Variants in RGSL1 observed in about 807,000 individuals in gnomAD.
RGSL1 encodes regulator of G protein signaling protein-like.
A neutral mutation model predicts 124.7 loss-of-function variants in RGSL1; 97 were observed. The observed-to-expected ratio is 0.78, with a 90% CI of 0.66 to 0.92. RGSL1 has a LOEUF of 0.92. Ranked by LOEUF, RGSL1 falls within the 40% of genes least tolerant of loss-of-function variation. The probability of loss-of-function intolerance (pLI) is 0.00; values close to 1 mark genes in which losing one functional copy is unlikely to be tolerated. For missense variants in RGSL1, 1,233 were observed against 1,288.4 expected (o/e 0.96, Z 0.66); for synonymous variants, 424 against 438.1 (o/e 0.97, Z 0.40).
intron 2 of RGSL1, among the ~76,000 whole-genome samples, chr1:182,456,348 G>A (rs1652322695): frequency 6.6e-6 from 1 of 151,150 alleles, no homozygotes; most frequent in Non-Finnish European, 1.5e-5. Context: ...CTAGGCTGGA[G>A]TGCAGTGGCA....
chr1:182,484,591 C>G (rs1654955138), intron 6 of RGSL1, among the ~76,000 whole-genome samples: 1 of 152,144 alleles, frequency 6.6e-6, no homozygotes, highest in Admixed American at 6.5e-5. Flanking sequence ...TCAGCAGTGA[C>G]TAGGAGAGAA....
Position 182,530,310 on chromosome 1 carries a change from G to A in RGSL1, c.2192G>A (p.Ser731Asn). The A allele has an allele frequency of 6.4e-7, 1 of 1,551,070 alleles. No individual in the cohort carries two copies. The highest frequency in any genetic ancestry group is 1.2e-5 in the South Asian group (1 of 84,042). Residue 731 changes from serine to asparagine, a missense_variant, in exon 12 of 22, where the codon AGC becomes AAC. Physicochemically the swap from Ser to Asn is conservative, Grantham distance 46. Coordinates refer to ENST00000294854, the MANE Select transcript of RGSL1 (RefSeq NM_001137669.2). ...EIASMRHVTTSTLLTLQGHVM... is the reference protein window; with the variant it reads ...EIASMRHVTTNTLLTLQGHVM... ...GCTTCCATGCGTCATGTCACCACAA[G>A]CACACTGTTAACGCTCCAGGGACAT...
intron 6 of RGSL1, among the ~76,000 whole-genome samples, chr1:182,482,799 C>T (rs953533462): frequency 2.0e-5 from 3 of 152,170 alleles, no homozygotes; most frequent in African/African-American, 7.2e-5. Context: ...AAATCTGGAT[C>T]TTGAAGAGAT....
At chr1:182,535,810 T>C (rs1478330481) in intron 14 of RGSL1, among the ~76,000 whole-genome samples, 1 of 152,166 alleles carries the variant, frequency 6.6e-6, no homozygotes, top group Non-Finnish European at 1.5e-5. Context: ...GCTACAATTT[T>C]ATACAGTAAA....
At chr1:182,524,188 G>A (rs1365631339) in intron 10 of RGSL1, among the ~76,000 whole-genome samples, 1 of 152,198 alleles carries the variant, frequency 6.6e-6, no homozygotes, top group East Asian at 1.9e-4. Context: ...AATTCGCATT[G>A]ATTAAATGGC....
At chr1:182,458,860 A>T (rs1571468337) in intron 3 of RGSL1, among the ~76,000 whole-genome samples, 1 of 152,210 alleles carries the variant, frequency 6.6e-6, no homozygotes, top group Admixed American at 6.5e-5. Context: ...AAAGCAGGTG[A>T]GTAGAACAGA....
rs144263573 is a variant in RGSL1, at chr1:182,487,485, T to C, written c.1432-800T>C. On this transcript the variant is annotated intron_variant, in intron 6 of 21. Coordinates refer to ENST00000294854, the MANE Select transcript of RGSL1 (RefSeq NM_001137669.2). ...TATCCCGATGCCTTTGCTTAAGCTC[T>C]TTCTACTGCATGGCATGATCTTTAC... 7.2e-3 allele frequency among the ~76,000 whole-genome samples: 1,092 copies of C among 152,346 alleles called. 13 individuals are homozygous for C. Among genetic ancestry groups the C allele is most frequent in the African/African-American group, 0.025 (1,048 of 41,574 alleles).
chr1:182,532,223 A>C (rs1343903977), intron 13 of RGSL1, among the ~76,000 whole-genome samples: 3 of 151,954 alleles, frequency 2.0e-5, no homozygotes, highest in Non-Finnish European at 4.4e-5. Context: ...AGTGGGTGCA[A>C]ATAATTATAT....
intron 15 of RGSL1, 102 bp from the exon 16 acceptor site, chr1:182,548,215 G>A: frequency 1.6e-6 from 2 of 1,241,024 alleles, no homozygotes; most frequent in Non-Finnish European, 2.3e-6. Flanking sequence ...CCTAGAACTG[G>A]CCTTGCGTTT....
At chr1:182,500,374 A>G (rs1656258167) in intron 9 of RGSL1, among the ~76,000 whole-genome samples, 1 of 152,116 alleles carries the variant, frequency 6.6e-6, no homozygotes. Flanking sequence ...TTGATCTCTA[A>G]GTTTATTTTT....
chr1:182,475,867 C>T lies in RGSL1; in HGVS notation c.1431+1325C>T, dbSNP rs116967543. 3.5e-4 allele frequency among the ~76,000 whole-genome samples: 53 copies of T among 152,284 alleles called. No individual in the cohort carries two copies. In the East Asian group the frequency reaches 9.1e-3, roughly 26 times the overall value. ...CATCAAATTATTTAGTGCATTATAA[C>T]GTATTTACCTTGTAAAGCACATTCA... is the stretch of plus-strand genomic sequence containing the variant. On this transcript the variant is annotated intron_variant, in intron 6 of 21. Transcript: ENST00000294854.
At chr1:182,551,689 A>G (rs1165279464) in intron 18 of RGSL1, among the ~76,000 whole-genome samples, 1 of 152,230 alleles carries the variant, frequency 6.6e-6, no homozygotes, top group African/African-American at 2.4e-5. Flanking sequence ...AAAAGCATAC[A>G]CATATTTACT....
rs1434440005 is a variant in RGSL1, at chr1:182,554,693, G to A, written c.3197G>A (p.Gly1066Glu). 1 of 1,551,514 alleles carries A rather than the reference G, an allele frequency of 6.4e-7. No individual in the cohort carries two copies. Among genetic ancestry groups the A allele is most frequent in the African/African-American group, 1.4e-5 (1 of 73,050 alleles). The part of the protein sequence containing the change: ...VSAMQLHPVQ[G>E]QKLSYIKKEK ...GCCATGCAGCTGCATCCCGTCCAGG[G>A]GTAGGCATGAGCTGGAAATCCTCTT... Residue 1066 changes from glycine to glutamate, a missense_variant and splice_region_variant, in exon 20 of 22, where the codon GGA (glycine) becomes GAA (glutamate). By Grantham distance (98) the Gly-to-Glu change is moderately conservative. Transcript: ENST00000294854.
chr1:182,552,722 G>A (rs1438906673), intron 18 of RGSL1, among the ~76,000 whole-genome samples: 2 of 152,216 alleles, frequency 1.3e-5, no homozygotes, highest in Non-Finnish European at 2.9e-5. Flanking sequence ...GGAAGTCCAA[G>A]AGCATGACAC....
intron 14 of RGSL1, among the ~76,000 whole-genome samples, chr1:182,533,213 T>G (rs1360094515): frequency 7.0e-6 from 1 of 142,616 alleles, no homozygotes; most frequent in African/African-American, 2.8e-5. Flanking sequence ...TAAACCTACC[T>G]CCTAATTATT....
At chr1:182,460,815 A>C (rs1652766817) in intron 4 of RGSL1, 1 of 437,824 alleles carries the variant, frequency 2.3e-6, no homozygotes. Context: ...GGGAAACTTT[A>C]GACAGTAAAT....
intron 6 of RGSL1, among the ~76,000 whole-genome samples, chr1:182,477,395 C>A (rs759784432): frequency 6.6e-6 from 1 of 152,206 alleles, no homozygotes; most frequent in African/African-American, 2.4e-5. Flanking sequence ...GACACGGAAG[C>A]AGCCCTGTGA....
intron 4 of RGSL1, among the ~76,000 whole-genome samples, chr1:182,468,413 T>C (rs1571498069): frequency 6.6e-6 from 1 of 152,196 alleles, no homozygotes. Flanking sequence ...GTGGCACATA[T>C]ACACCATGGA....
rs114187072 is a variant in RGSL1, at chr1:182,531,964, A to T, written c.2365-698A>T. Among the ~76,000 whole-genome samples the T allele has an allele frequency of 8.9e-3, 1,351 of 152,264 alleles. 18 individuals are homozygous for T. The highest frequency in any genetic ancestry group is 0.031 in the African/African-American group (1,286 of 41,538). On this transcript the variant is annotated intron_variant, in intron 13 of 21. Coordinates refer to ENST00000294854, the MANE Select transcript of RGSL1 (RefSeq NM_001137669.2). ...TTCTGAGAAGCTAAGCTCCAGACTC[A>T]AAGTTTTTTATCCTAAATTCAGTGC...
Sources: allele counts gnomAD v4.1 joint callset (sites outside exome capture counted in the v4.1 genomes callset), GRCh38; gene constraint gnomAD v4.1.1; transcripts MANE v1.5; gene names NCBI Gene and HGNC (gene_info 2026-07-23, HGNC 2026-07-21).